The following IFT25 variants were observed in gnomAD, a reference collection of about 807,000 sequenced individuals.
IFT25 encodes intraflagellar transport protein 25 homolog.
the IFT25 span, among the ~76,000 whole-genome samples, chr1:53,924,467 G>A: frequency 1.8e-3 from 279 of 152,280 alleles, no homozygotes; most frequent in Admixed American, 2.7e-3. Flanking sequence ...TTTTAGAGCA[G>A]ATTAATTTAT....
the IFT25 span, among the ~76,000 whole-genome samples, chr1:53,936,458 TAAA>T: frequency 6.6e-6 from 1 of 152,024 alleles, no homozygotes; most frequent in East Asian, 1.9e-4. Flanking sequence ...TCAAAAAAAA[TAAA>T]AAAGACATCT....
chr1:53,926,568 C>T, the IFT25 span, among the ~76,000 whole-genome samples: 1 of 152,092 alleles, frequency 6.6e-6, no homozygotes, highest in Non-Finnish European at 1.5e-5. Context: ...CAAATTTCCC[C>T]AATTGTCCCT....
the IFT25 span, among the ~76,000 whole-genome samples, chr1:53,919,955 GGTTTT>G: frequency 3.9e-5 from 6 of 151,918 alleles, no homozygotes; most frequent in Admixed American, 1.3e-4. Context: ...CACTCTGCCT[GGTTTT>G]GTTATTTTTA....
the IFT25 span, chr1:53,923,720 G>T: frequency 3.8e-6 from 2 of 521,264 alleles, no homozygotes; most frequent in Non-Finnish European, 6.7e-6. Context: ...TGAAAGGTAA[G>T]AACCTAATTT....
the IFT25 span, chr1:53,928,337 C>T: frequency 9.9e-6 from 15 of 1,519,598 alleles, no homozygotes; most frequent in Non-Finnish European, 1.4e-5. Flanking sequence ...TTATCTACTC[C>T]TTCATGCTCA....
the IFT25 span, among the ~76,000 whole-genome samples, chr1:53,938,290 C>T: frequency 6.6e-6 from 1 of 151,990 alleles, no homozygotes; most frequent in South Asian, 2.1e-4. Context: ...GATTACTTTC[C>T]AGTATTAGTC....
At chr1:53,935,849 A>G in the IFT25 span, among the ~76,000 whole-genome samples, 3 of 152,092 alleles carry the variant, frequency 2.0e-5, no homozygotes, top group Non-Finnish European at 4.4e-5. Flanking sequence ...TCATATTTAT[A>G]TTATTTTAAA....
At chr1:53,920,689 G>A in the IFT25 span, among the ~76,000 whole-genome samples, 465 of 152,314 alleles carry the variant, frequency 3.1e-3, no homozygotes, top group Non-Finnish European at 4.1e-3. Flanking sequence ...AAAGAGGGCC[G>A]GGTGTGGTGG....
At chr1:53,943,264 A>G in the IFT25 span, among the ~76,000 whole-genome samples, 2 of 152,226 alleles carry the variant, frequency 1.3e-5, no homozygotes, top group Non-Finnish European at 2.9e-5. Context: ...TCTACGAAGG[A>G]AGCCAAAGAA....
chr1:53,926,845 C>G, the IFT25 span, among the ~76,000 whole-genome samples: 2 of 152,044 alleles, frequency 1.3e-5, no homozygotes, highest in Non-Finnish European at 2.9e-5. Flanking sequence ...ATCTCAGCCT[C>G]CCAAGTAGCT....
chr1:53,915,313 T>C, the IFT25 span, among the ~76,000 whole-genome samples: 1 of 152,102 alleles, frequency 6.6e-6, no homozygotes, highest in East Asian at 1.9e-4. Context: ...AAAAATACGT[T>C]AGACAGTTAT....
At chr1:53,921,815 A>G in the IFT25 span, 1 of 1,144,538 alleles carries the variant, frequency 8.7e-7, no homozygotes, top group Non-Finnish European at 1.3e-6. Flanking sequence ...GTGCTAGTTA[A>G]CTGTTAACAA....
chr1:53,914,809 C>T, the IFT25 span, among the ~76,000 whole-genome samples: 3 of 152,186 alleles, frequency 2.0e-5, no homozygotes, highest in Non-Finnish European at 4.4e-5. Flanking sequence ...CCCAGCCTGA[C>T]CCCTGCAGAG....
chr1:53,930,346 C>T, the IFT25 span, among the ~76,000 whole-genome samples: 4 of 152,110 alleles, frequency 2.6e-5, no homozygotes, highest in African/African-American at 7.2e-5. Context: ...AACACAGAAA[C>T]GGAATTGATG....
At chr1:53,930,207 T>G in the IFT25 span, 1 of 1,433,204 alleles carries the variant, frequency 7.0e-7, no homozygotes, top group Admixed American at 2.7e-5. Flanking sequence ...TCATAAAATT[T>G]TATTGAATAC....
the IFT25 span, chr1:53,939,553 T>C: frequency 6.2e-6 from 1 of 160,338 alleles, no homozygotes. Flanking sequence ...AGCAAAACAA[T>C]ACACGATAGC....
chr1:53,929,843 T>A, the IFT25 span: 1 of 853,532 alleles, frequency 1.2e-6, no homozygotes, highest in Non-Finnish European at 1.6e-6. Context: ...TCAAGGCATT[T>A]ACCTCATAAT....
At chr1:53,919,341 T>C in the IFT25 span, among the ~76,000 whole-genome samples, 1 of 152,356 alleles carries the variant, frequency 6.6e-6, no homozygotes, top group South Asian at 2.1e-4. Context: ...TCTTTGCTAC[T>C]TTTCAGAAGG....
At chr1:53,931,318 G>A in the IFT25 span, among the ~76,000 whole-genome samples, 2 of 152,286 alleles carry the variant, frequency 1.3e-5, no homozygotes, top group South Asian at 4.1e-4. Context: ...GAATTGCTGG[G>A]ACATAGGGTA....
Sources: allele counts gnomAD v4.1 joint callset (sites outside exome capture counted in the v4.1 genomes callset), GRCh38; gene constraint gnomAD v4.1.1; transcripts MANE v1.5; gene names NCBI Gene and HGNC (gene_info 2026-07-23, HGNC 2026-07-21).